RIMKLB: variants seen among roughly 807,000 people sequenced by gnomAD.
RIMKLB encodes ribosomal modification protein rimK like family member B.
In RIMKLB, 7 loss-of-function variants were observed where a neutral mutation model predicts 32.0. The ratio of observed to expected loss-of-function variants is 0.22; its 90% CI spans 0.12 to 0.41. RIMKLB has a LOEUF of 0.41. Among genes scored for constraint, RIMKLB ranks in the 10% least tolerant of loss-of-function variants. RIMKLB has a pLI of 1.00. For synonymous variants in RIMKLB, 172 were observed against 185.1 expected (o/e 0.93, Z 0.57); for missense variants, 289 against 498.7 (o/e 0.58, Z 4.00).
At chr12:8,757,874 T>C (rs1044318033) in intron 5 of RIMKLB, among the ~76,000 whole-genome samples, 1 of 152,230 alleles carries the variant, frequency 6.6e-6, no homozygotes, top group African/African-American at 2.4e-5. Flanking sequence ...CCTCATTGAA[T>C]AGTTTCTTAT....
At chr12:8,729,375 G>GT (rs1946332536) in intron 2 of RIMKLB, among the ~76,000 whole-genome samples, 1 of 151,938 alleles carries the variant, frequency 6.6e-6, no homozygotes, top group Admixed American at 6.6e-5. Flanking sequence ...TCTTCCCCTG[G>GT]TGTCCAGCCA....
upstream of RIMKLB, among the ~76,000 whole-genome samples, chr12:8,693,554 G>A (rs910301017): frequency 4.6e-5 from 7 of 151,602 alleles, no homozygotes; most frequent in East Asian, 1.9e-4. Flanking sequence ...CCACCACCAC[G>A]CCCAGCTAAT....
chr12:8,748,081 A>T (rs986109257), intron 2 of RIMKLB, among the ~76,000 whole-genome samples: 1 of 152,164 alleles, frequency 6.6e-6, no homozygotes, highest in African/African-American at 2.4e-5. Flanking sequence ...ATATATCTAT[A>T]TATGTTTCTG....
chr12:8,716,356 T>G (rs756330975), intron 2 of RIMKLB, among the ~76,000 whole-genome samples: 1 of 152,206 alleles, frequency 6.6e-6, no homozygotes, highest in African/African-American at 2.4e-5. Flanking sequence ...CAAAGCTGTC[T>G]TGTTATTTCA....
In RIMKLB at chr12:8,685,838, C is replaced by T. The variant is rs777778494; in HGVS notation, n.219+4020C>T. On this transcript the variant is annotated intron_variant and non_coding_transcript_variant, in intron 1 of 1. Transcript: ENST00000538758. ...TTTATTCTTTTTTGAGACAGAGTCT[C>T]GCTCTGTCTCCCAGGCTGGAGTGCT... Among the ~76,000 whole-genome samples, 19 of 151,006 alleles carry T rather than the reference C, an allele frequency of 1.3e-4. No homozygotes were observed. In the East Asian group the frequency reaches 1.4e-3, roughly 11 times the overall value.
downstream of RIMKLB, chr12:8,780,403 G>A (rs1001340946): frequency 9.2e-5 from 14 of 152,262 alleles, no homozygotes; most frequent in African/African-American, 2.9e-4. Context: ...ATCATACAGT[G>A]TTTGATTTTA....
intron 5 of RIMKLB, among the ~76,000 whole-genome samples, chr12:8,759,095 T>C (rs1990480): frequency 2.1e-3 from 321 of 152,216 alleles, no homozygotes; most frequent in African/African-American, 7.1e-3. Flanking sequence ...TGGAACAAAA[T>C]ACATATTTAA....
chr12:8,751,382 C>T (rs949115264), intron 3 of RIMKLB, among the ~76,000 whole-genome samples: 1 of 152,088 alleles, frequency 6.6e-6, no homozygotes, highest in East Asian at 1.9e-4. Context: ...TTTGCTCTAA[C>T]CTTGTTATTG....
chr12:8,711,557 T>A (rs1024563219), intron 1 of RIMKLB, among the ~76,000 whole-genome samples: 1 of 152,118 alleles, frequency 6.6e-6, no homozygotes, highest in Non-Finnish European at 1.5e-5. Flanking sequence ...TTAGGGTACA[T>A]GTGCACAATG....
chr12:8,752,968 A>T (rs1948740161), intron 4 of RIMKLB, among the ~76,000 whole-genome samples: 1 of 151,684 alleles, frequency 6.6e-6, no homozygotes, highest in African/African-American at 2.4e-5. Flanking sequence ...CTGGTCTCGA[A>T]CTCCTGACTT....
intron 1 of RIMKLB, among the ~76,000 whole-genome samples, chr12:8,710,729 G>A (rs181295479): frequency 2.4e-4 from 37 of 152,178 alleles, no homozygotes; most frequent in Non-Finnish European, 3.7e-4. Flanking sequence ...TATCAGCAGC[G>A]GAACATTTCT....
rs754746293 is a variant in RIMKLB at position 8,773,701 on chromosome 12, C to A, written c.1078C>A (p.Arg360=). ...TGACAGCGACCCTGAAAGCACGGAG[C>A]GAGAGCTGCTCACCAAGCTCCCAGG... The part of the protein sequence containing the change: ...SVDSDPESTE[R]ELLTKLPGGL... Residue 360 remains arginine, a synonymous_variant, in exon 6 of 6, where the codon CGA becomes AGA. Transcript: ENST00000535829. 6.2e-7 allele frequency: 1 copy of A among 1,614,214 alleles called. No homozygotes were observed. Among genetic ancestry groups the A allele is most frequent in the South Asian group, 1.1e-5 (1 of 91,084 alleles).
upstream of RIMKLB, chr12:8,679,815 C>T (rs892991608): frequency 6.6e-6 from 1 of 152,208 alleles, no homozygotes; most frequent in Non-Finnish European, 1.5e-5. Flanking sequence ...TGCGAGTCAT[C>T]CTGCTGTCAG....
At chr12:8,779,990 C>T (rs1203988346), downstream of RIMKLB, 1 of 152,052 alleles carries the variant, frequency 6.6e-6, no homozygotes, top group African/African-American at 2.4e-5. Flanking sequence ...AAAATATACC[C>T]ACTGCTTATA....
chr12:8,754,361 C>T (rs773917541), intron 5 of RIMKLB, among the ~76,000 whole-genome samples: 1 of 152,304 alleles, frequency 6.6e-6, no homozygotes, highest in Non-Finnish European at 1.5e-5. Context: ...TATTGGTTAT[C>T]TGACAAAAGT....
chr12:8,781,866 T>TTTCAATTAAATTTATA (rs1378314985), downstream of RIMKLB, among the ~76,000 whole-genome samples: 304 of 152,144 alleles, frequency 2.0e-3, 1 homozygote, highest in African/African-American at 7.1e-3. Context: ...AGAATGTAAA[T>TTTCAATTAAATTTATA]GTCAATTAAA....
At chr12:8,746,306 T>C (rs1039125139) in intron 2 of RIMKLB, among the ~76,000 whole-genome samples, 3 of 151,590 alleles carry the variant, frequency 2.0e-5, no homozygotes, top group African/African-American at 7.3e-5. Context: ...TGCTAACGCC[T>C]AAGAAATGAT....
At chr12:8,683,875 G>C (rs1458805889) in intron 1 of RIMKLB, among the ~76,000 whole-genome samples, 1 of 152,018 alleles carries the variant, frequency 6.6e-6, no homozygotes, top group Admixed American at 6.6e-5. Context: ...AGCTTCCCAA[G>C]TAGCTGAACT....
chr12:8,684,151 T>C (rs1304707130), intron 1 of RIMKLB, among the ~76,000 whole-genome samples: 3 of 152,012 alleles, frequency 2.0e-5, no homozygotes. Context: ...AAAAAGTTAT[T>C]GCCATACTGA....
Sources: allele counts gnomAD v4.1 joint callset (sites outside exome capture counted in the v4.1 genomes callset), GRCh38; gene constraint gnomAD v4.1.1; transcripts MANE v1.5; gene names NCBI Gene and HGNC (gene_info 2026-07-23, HGNC 2026-07-21).